Variants in COL13A1 observed in about 807,000 individuals in gnomAD.
COL13A1 encodes collagen type XIII alpha 1 chain, also known as collagen alpha-1(XIII) chain.
COL13A1 carries 89 observed loss-of-function variants against 130.9 expected under a neutral mutation model. The observed-to-expected ratio is 0.68, with a 90% CI of 0.57 to 0.81. The LOEUF (loss-of-function observed/expected upper bound fraction) is 0.81, where lower values mean the gene tolerates loss of function less well. Ranked by LOEUF, COL13A1 falls within the 30% of genes least tolerant of loss-of-function variation. COL13A1 has a pLI of 0.00. For synonymous variants in COL13A1, 402 were observed against 341.6 expected, an observed-to-expected ratio of 1.18 and a Z score of -1.95; for missense variants, 879 against 934.6, an observed-to-expected ratio of 0.94 and a Z score of 0.78.
intron 39 of COL13A1, chr10:69,956,014 A>G (rs2070604319): frequency 6.6e-6 from 1 of 152,188 alleles, no homozygotes; most frequent in South Asian, 2.1e-4. Context: ...ATGACGTCAG[A>G]CCAGGGCAGC....
chr10:69,953,144 C>T (rs997531836), intron 39 of COL13A1, among the ~76,000 whole-genome samples, 176 bp downstream of exon 39: 11 of 152,334 alleles, frequency 7.2e-5, no homozygotes, highest in African/African-American at 2.6e-4. Flanking sequence ...TGCTTTGTAA[C>T]CACAGCTGCA....
intron 19 of COL13A1, among the ~76,000 whole-genome samples, chr10:69,918,648 G>C (rs961205525): frequency 3.3e-5 from 5 of 152,188 alleles, no homozygotes; most frequent in Non-Finnish European, 7.4e-5. Flanking sequence ...GAGAGAGCAG[G>C]AGTTCATCTC....
At chr10:69,809,496 G>C (rs1202477771) in intron 1 of COL13A1, among the ~76,000 whole-genome samples, 1 of 152,216 alleles carries the variant, frequency 6.6e-6, no homozygotes, top group Non-Finnish European at 1.5e-5. Context: ...TTACAGAAGA[G>C]AGAATAGAGG....
chr10:69,897,883 G>A (rs1405969066), intron 13 of COL13A1, among the ~76,000 whole-genome samples: 1 of 152,220 alleles, frequency 6.6e-6, no homozygotes, highest in Non-Finnish European at 1.5e-5. Flanking sequence ...GCTTCAATGG[G>A]TAGAGGGACT....
chr10:69,879,079 CT>C (rs1397984111), intron 6 of COL13A1, among the ~76,000 whole-genome samples: 2 of 152,196 alleles, frequency 1.3e-5, no homozygotes, highest in African/African-American at 2.4e-5. Flanking sequence ...CTGACATAAC[CT>C]TTTCAGGGAA....
intron 6 of COL13A1, among the ~76,000 whole-genome samples, chr10:69,880,092 C>G (rs1046644774): frequency 2.0e-5 from 3 of 152,048 alleles, no homozygotes; most frequent in South Asian, 4.2e-4. Flanking sequence ...GCCTGGGCAG[C>G]CTTGCTAAGT....
In COL13A1 at chr10:69,924,960, C is replaced by A; in HGVS notation, c.1285-3C>A. ...ACTTTGCTCCAATTTTGTCATGCAA[C>A]AGGGGGAGCGTGGAGCAGCTGGAGA... On this transcript the variant is annotated splice_polypyrimidine_tract_variant and splice_region_variant and intron_variant, in intron 24 of 40. Transcript: ENST00000645393. The A allele has an allele frequency of 1.3e-6, 2 of 1,588,686 alleles. No homozygotes were observed. The highest frequency in any genetic ancestry group is 1.7e-6 in the Non-Finnish European group (2 of 1,167,982).
chr10:69,934,038 T>C (rs2066505403), intron 31 of COL13A1, among the ~76,000 whole-genome samples: 1 of 152,202 alleles, frequency 6.6e-6, no homozygotes, highest in Non-Finnish European at 1.5e-5. Flanking sequence ...CATATACATA[T>C]ATGTATATAC....
intron 2 of COL13A1, among the ~76,000 whole-genome samples, chr10:69,849,811 C>T (rs145560750): frequency 8.9e-4 from 135 of 152,338 alleles, no homozygotes; most frequent in South Asian, 2.3e-3. Context: ...CCTCCCCACC[C>T]GGTGTGGCCT....
At chr10:69,899,645 T>C (rs2061992822) in intron 14 of COL13A1, among the ~76,000 whole-genome samples, 1 of 152,194 alleles carries the variant, frequency 6.6e-6, no homozygotes, top group Non-Finnish European at 1.5e-5. Context: ...AAGTGCTTCC[T>C]TCTTCTTCCT....
At position 69,902,728 on chromosome 10, in the gene COL13A1, T is replaced by C. The variant is rs892842065; in HGVS notation, c.751-20T>C. On this transcript the variant is annotated intron_variant, in intron 14 of 40. Transcript: ENST00000645393. Reference sequence around the variant, plus strand: ...AGCTCTGGGGGCCTTCCCTCTAACATTCGTTTCCATGAACCTCAGGGCGAA... The same window carrying C: ...AGCTCTGGGGGCCTTCCCTCTAACACTCGTTTCCATGAACCTCAGGGCGAA... 8 of 1,540,670 alleles carry C rather than the reference T, an allele frequency of 5.2e-6. No individual in the cohort carries two copies. In the African/African-American group the frequency reaches 9.7e-5, roughly 19 times the overall value.
Position 69,809,281 on chromosome 10 carries a change from G to A in COL13A1, c.294+6564G>A, listed in dbSNP as rs541928856. Among the ~76,000 whole-genome samples, 12 of 152,298 alleles carry A rather than the reference G, an allele frequency of 7.9e-5. No homozygotes were observed. In the East Asian group the frequency reaches 1.5e-3, roughly 20 times the overall value. On this transcript the variant is annotated intron_variant, in intron 1 of 40. Coordinates refer to ENST00000645393, the MANE Select transcript of COL13A1 (RefSeq NM_001368882.1). ...TGGCAACTGTAACCATTGCCACCTC[G>A]CTCATCATTGGAGGAGGTAATATGG...
chr10:69,905,591 A>C (rs961400045), intron 16 of COL13A1, among the ~76,000 whole-genome samples, 196 bp from the exon 17 acceptor site: 3 of 152,220 alleles, frequency 2.0e-5, no homozygotes, highest in Admixed American at 2.0e-4. Flanking sequence ...GCCTGTTCTC[A>C]AGAGTAGAAC....
chr10:69,829,123 C>A, intron 2 of COL13A1: 1 of 535,398 alleles, frequency 1.9e-6, no homozygotes. Flanking sequence ...TAAGCCATGA[C>A]CTGGGCTTCA....
At chr10:69,868,822 T>G (rs1564896043) in intron 3 of COL13A1, among the ~76,000 whole-genome samples, 1 of 152,214 alleles carries the variant, frequency 6.6e-6, no homozygotes, top group East Asian at 1.9e-4. Context: ...ACCTGTCATG[T>G]CATTACTTGA....
chr10:69,846,580 T>C (rs1853171990), intron 2 of COL13A1, among the ~76,000 whole-genome samples: 1 of 148,466 alleles, frequency 6.7e-6, no homozygotes, highest in Non-Finnish European at 1.5e-5. Context: ...CTTCTTCTGC[T>C]CTTTCCAAGC....
Position 69,917,220 on chromosome 10 carries a change from C to T in COL13A1, c.922-69C>T, listed in dbSNP as rs1479504053. 5.3e-5 allele frequency: 84 copies of T among 1,589,630 alleles called. No individual in the cohort carries two copies. The South Asian group carries it at 8.3e-4, about 16-fold the overall frequency. On this transcript the variant is annotated intron_variant, in intron 17 of 40. Transcript: ENST00000645393. ...CAGCCTCCAGACAAGACATTCTCAC[C>T]GACATCCTTGCAGGCTGACAGGCCC...
chr10:69,891,023 T>G (rs1186770686), intron 10 of COL13A1, among the ~76,000 whole-genome samples: 1 of 152,230 alleles, frequency 6.6e-6, no homozygotes, highest in African/African-American at 2.4e-5. Context: ...TCAGCCTTCC[T>G]GCCACCTTCC....
At chr10:69,843,669 T>G (rs1365414668) in intron 2 of COL13A1, among the ~76,000 whole-genome samples, 1 of 152,122 alleles carries the variant, frequency 6.6e-6, no homozygotes, top group East Asian at 1.9e-4. Flanking sequence ...GTGGTGAGGA[T>G]TAAATGAGAT....
Sources: allele counts gnomAD v4.1 joint callset (sites outside exome capture counted in the v4.1 genomes callset), GRCh38; gene constraint gnomAD v4.1.1; transcripts MANE v1.5; gene names NCBI Gene and HGNC (gene_info 2026-07-23, HGNC 2026-07-21).